Variants in KIAA1217 observed in about 807,000 individuals in gnomAD.
KIAA1217 encodes the protein sickle tail protein homolog.
A neutral mutation model predicts 163.9 loss-of-function variants in KIAA1217; 88 were observed. The ratio of observed to expected loss-of-function variants is 0.54; its 90% confidence interval spans 0.45 to 0.64. The LOEUF is 0.64. Among genes scored for constraint, KIAA1217 ranks in the 30% least tolerant of loss-of-function variants. The probability of loss-of-function intolerance (pLI) is 0.00; values close to 1 mark genes in which losing one functional copy is unlikely to be tolerated. For missense variants in KIAA1217, 2,372 were observed against 2,475.0 expected, an observed-to-expected ratio of 0.96 and a Z score of 0.88; for synonymous variants, 903 against 923.1, an observed-to-expected ratio of 0.98 and a Z score of 0.39.
At chr10:24,471,886 C>CAAAAAAAAAAAAAAAAAA in intron 5 of KIAA1217, among the ~76,000 whole-genome samples, 1 of 46,918 alleles carries the variant, frequency 2.1e-5, no homozygotes, top group Non-Finnish European at 4.6e-5. Context: ...GACTCCATCT[C>CAAAAAAAAAAAAAAAAAA]AAAAAAAAAA....
chr10:24,046,686 T>C (rs1849052981), intron 2 of KIAA1217, among the ~76,000 whole-genome samples: 1 of 152,194 alleles, frequency 6.6e-6, no homozygotes, highest in Non-Finnish European at 1.5e-5. Context: ...CCTCCCACCA[T>C]GCACTTCCCC....
intron 3 of KIAA1217, among the ~76,000 whole-genome samples, chr10:24,399,556 A>C (rs1187609713): frequency 1.3e-5 from 2 of 152,174 alleles, no homozygotes; most frequent in African/African-American, 4.8e-5. Flanking sequence ...GTTATCTTAG[A>C]TCCCATCTCT....
intron 1 of KIAA1217, among the ~76,000 whole-genome samples, chr10:23,892,978 T>A (rs1338874691): frequency 1.3e-5 from 2 of 152,014 alleles, no homozygotes; most frequent in African/African-American, 2.4e-5. Context: ...TCTGCCCGGC[T>A]TTGGTATCAG....
At chr10:24,263,339 A>G (rs1471899653) in intron 2 of KIAA1217, among the ~76,000 whole-genome samples, 2 of 152,188 alleles carry the variant, frequency 1.3e-5, no homozygotes, top group African/African-American at 4.8e-5. Context: ...GGGTCGTTTC[A>G]TGGGGGCTGG....
intron 2 of KIAA1217, among the ~76,000 whole-genome samples, chr10:24,119,552 G>A (rs80266792): frequency 6.6e-6 from 1 of 152,308 alleles, no homozygotes; most frequent in South Asian, 2.1e-4. Context: ...ACAGCTGTGT[G>A]TGTCTTGAAG....
At chr10:23,859,306 C>A (rs1269332488) in intron 1 of KIAA1217, among the ~76,000 whole-genome samples, 1 of 152,156 alleles carries the variant, frequency 6.6e-6, no homozygotes, top group African/African-American at 2.4e-5. Flanking sequence ...ATCTCTTTGC[C>A]CTTTGGCATT....
At position 23,891,805 on chromosome 10, in the gene KIAA1217, G is replaced by A. The variant is rs192369537; in HGVS notation, c.-320-115420G>A. ...AAAATTTATTTCTCTCTGAATTTCT[G>A]TTTGGTTTTAAAAATGAAAAACCAC... On this transcript the variant is annotated intron_variant, in intron 1 of 18. Transcript: ENST00000376462. Among the ~76,000 whole-genome samples, 17 of 151,720 alleles carry A rather than the reference G, an allele frequency of 1.1e-4. No individual in the cohort carries two copies. In the East Asian group the frequency reaches 2.3e-3, roughly 21 times the overall value.
chr10:24,357,649 T>G (rs906099088), intron 2 of KIAA1217, among the ~76,000 whole-genome samples: 31 of 152,296 alleles, frequency 2.0e-4, no homozygotes, highest in African/African-American at 7.5e-4. Context: ...CTTGGGGGGT[T>G]CTGAGTATTT....
chr10:23,958,887 A>G (rs1020938923), intron 1 of KIAA1217, among the ~76,000 whole-genome samples: 1 of 150,650 alleles, frequency 6.6e-6, no homozygotes, highest in Non-Finnish European at 1.5e-5. Context: ...GAGCTGTTTC[A>G]TGCACAGGTT....
chr10:24,491,995 G>C (rs7904518), intron 6 of KIAA1217, among the ~76,000 whole-genome samples: 4,166 of 152,008 alleles, frequency 0.027, 179 homozygotes, highest in African/African-American at 0.092. Flanking sequence ...GCAGTAAAGT[G>C]GTACATCTCA....
At chr10:23,825,705 G>A (rs1175409875) in intron 1 of KIAA1217, among the ~76,000 whole-genome samples, 1 of 152,128 alleles carries the variant, frequency 6.6e-6, no homozygotes, top group Non-Finnish European at 1.5e-5. Flanking sequence ...TAAGCACTTA[G>A]GAAATAGTGG....
At chr10:24,196,088 T>G (rs1056659422) in intron 2 of KIAA1217, among the ~76,000 whole-genome samples, 2 of 151,606 alleles carry the variant, frequency 1.3e-5, no homozygotes, top group Non-Finnish European at 2.9e-5. Flanking sequence ...AAGGTATGAT[T>G]GCACCACTGC....
chr10:23,707,372 A>G (rs898090958), intron 1 of KIAA1217, among the ~76,000 whole-genome samples: 3 of 152,104 alleles, frequency 2.0e-5, no homozygotes, highest in African/African-American at 7.2e-5. Context: ...GAACCAGGCT[A>G]CCTGCGGCCT....
intron 1 of KIAA1217, among the ~76,000 whole-genome samples, chr10:23,785,625 T>C (rs1835460227): frequency 6.6e-6 from 1 of 152,186 alleles, no homozygotes; most frequent in Non-Finnish European, 1.5e-5. Flanking sequence ...TTTCTGAACA[T>C]GGACATGTTA....
intron 2 of KIAA1217, among the ~76,000 whole-genome samples, chr10:24,161,614 A>G (rs1316861813): frequency 6.6e-6 from 1 of 152,252 alleles, no homozygotes; most frequent in African/African-American, 2.4e-5. Flanking sequence ...TTATAAAGAT[A>G]TAAGTTGAGA....
At chr10:24,049,184 A>C (rs566902581) in intron 2 of KIAA1217, among the ~76,000 whole-genome samples, 9 of 152,214 alleles carry the variant, frequency 5.9e-5, no homozygotes, top group Non-Finnish European at 1.2e-4. Flanking sequence ...TCTTAAAGTT[A>C]ATCTGGGGTT....
Position 24,528,000 on chromosome 10 carries a change from A to G in KIAA1217, c.2963A>G (p.Glu988Gly). ...GATCACTATAATGGGAAAGAGTTTG[A>G]GAAGCTCCTAGAAGAAGCTCAGGCC... ...NLDHYNGKEF[E>G]KLLEEAQANI... is the part of the protein sequence containing the mutation. The change falls in exon 14 of 21, where the codon GAG (glutamate) becomes GGG (glycine). Residue 988 changes from glutamate to glycine, a missense_variant. Glu to Gly is a moderately conservative substitution (Grantham distance 98). Coordinates refer to ENST00000376454, the MANE Select transcript of KIAA1217 (RefSeq NM_019590.5). 1 of 1,614,092 alleles carries G rather than the reference A, an allele frequency of 6.2e-7. No homozygotes were observed. The highest frequency in any genetic ancestry group is 8.5e-7 in the Non-Finnish European group (1 of 1,179,960).
At chr10:24,003,051 G>C (rs917483770) in intron 1 of KIAA1217, among the ~76,000 whole-genome samples, 1 of 152,128 alleles carries the variant, frequency 6.6e-6, no homozygotes, top group Non-Finnish European at 1.5e-5. Context: ...CCATTCACTA[G>C]GTGATGGGCA....
At chr10:24,311,143 C>A (rs570333092) in intron 2 of KIAA1217, among the ~76,000 whole-genome samples, 1 of 152,288 alleles carries the variant, frequency 6.6e-6, no homozygotes, top group Admixed American at 6.5e-5. Flanking sequence ...GGACCCCAGG[C>A]CGTAGGAGGT....
Sources: gnomAD v4.1 joint callset for allele counts (sites outside exome capture counted in the v4.1 genomes callset) on GRCh38, gnomAD v4.1.1 for gene constraint, MANE v1.5 for transcripts, NCBI Gene and HGNC (gene_info 2026-07-23, HGNC 2026-07-21) for gene names.